Variants in OSBPL1A observed in about 807,000 individuals in gnomAD.
OSBPL1A encodes oxysterol binding protein like 1A.
In OSBPL1A, 80 loss-of-function variants were observed where a neutral mutation model predicts 137.1. That is an observed-to-expected ratio of 0.58 (90% CI 0.49 to 0.70). The LOEUF is 0.70. Among genes scored for constraint, OSBPL1A ranks in the 30% least tolerant of loss-of-function variants. OSBPL1A has a pLI of 0.00. For missense variants in OSBPL1A, 970 were observed against 1,129.4 expected, an observed-to-expected ratio of 0.86 and a Z score of 2.02; for synonymous variants, 365 against 389.7, an observed-to-expected ratio of 0.94 and a Z score of 0.75.
At chr18:24,204,563 T>C (rs1457553852) in intron 17 of OSBPL1A, among the ~76,000 whole-genome samples, 2 of 151,800 alleles carry the variant, frequency 1.3e-5, no homozygotes, top group South Asian at 2.1e-4. Flanking sequence ...TGTTTCTTTT[T>C]TTTTTTTTTT....
chr18:24,396,973 G>A (rs1350399993), intron 1 of OSBPL1A, among the ~76,000 whole-genome samples: 1 of 152,180 alleles, frequency 6.6e-6, no homozygotes, highest in East Asian at 1.9e-4. Context: ...CAACATTCAA[G>A]CAACCTTATT....
At chr18:24,280,988 G>T in intron 14 of OSBPL1A, 40 bp from the exon 15 acceptor site, 2 of 1,363,536 alleles carry the variant, frequency 1.5e-6, no homozygotes, top group Non-Finnish European at 2.0e-6. Context: ...CGGATTTTAA[G>T]GAATCTTAAG....
intron 14 of OSBPL1A, among the ~76,000 whole-genome samples, chr18:24,295,316 T>A (rs908589081): frequency 6.6e-6 from 1 of 152,224 alleles, no homozygotes; most frequent in Non-Finnish European, 1.5e-5. Flanking sequence ...CAGATACTAG[T>A]CCTTTGTTGG....
At chr18:24,240,622 G>A (rs1488120133) in intron 15 of OSBPL1A, among the ~76,000 whole-genome samples, 2 of 152,178 alleles carry the variant, frequency 1.3e-5, no homozygotes, top group African/African-American at 4.8e-5. Context: ...GAAGTCTCTT[G>A]TTCGTTAGTT....
chr18:24,389,923 C>G (rs1487690662), intron 1 of OSBPL1A, among the ~76,000 whole-genome samples: 1 of 151,952 alleles, frequency 6.6e-6, no homozygotes, highest in Non-Finnish European at 1.5e-5. Flanking sequence ...GCCTGGGTGA[C>G]AGAGTGAGAC....
intron 15 of OSBPL1A, among the ~76,000 whole-genome samples, chr18:24,254,973 C>T (rs374398892): frequency 9.2e-5 from 14 of 151,764 alleles, no homozygotes; most frequent in East Asian, 5.8e-4. Flanking sequence ...AAAGAAAAAA[C>T]GGGGGAAAAC....
intron 15 of OSBPL1A, among the ~76,000 whole-genome samples, chr18:24,260,080 T>C (rs1273385653): frequency 6.6e-6 from 1 of 151,852 alleles, no homozygotes; most frequent in African/African-American, 2.4e-5. Context: ...AAAAGATGAG[T>C]TCAACAGGTG....
chr18:24,359,325 C>T (rs1336894415), intron 4 of OSBPL1A, among the ~76,000 whole-genome samples: 1 of 152,054 alleles, frequency 6.6e-6, no homozygotes, highest in Non-Finnish European at 1.5e-5. Context: ...TGACTTCAAG[C>T]GATCCTCCTG....
intron 15 of OSBPL1A, among the ~76,000 whole-genome samples, chr18:24,257,478 T>G (rs77299611): frequency 0.078 from 11,834 of 152,060 alleles, 565 homozygotes; most frequent in African/African-American, 0.13. Context: ...AAAAATCAAA[T>G]CAAGATGGAT....
chr18:24,302,758 A>C (rs1351639710), intron 14 of OSBPL1A: 1 of 151,654 alleles, frequency 6.6e-6, no homozygotes, highest in African/African-American at 2.4e-5. Flanking sequence ...AGAACTCATA[A>C]TAGAGAATGA....
At position 24,391,709 on chromosome 18, in the gene OSBPL1A, C is replaced by CAGAGAAA. The variant is rs1568072913; in HGVS notation, c.-3+5945_-3+5946insTTTCTCT. Among the ~76,000 whole-genome samples the CAGAGAAA allele has an allele frequency of 2.6e-5, 4 of 151,846 alleles. No individual in the cohort carries two copies. In the East Asian group the frequency reaches 7.8e-4, roughly 30 times the overall value. ...ATGCCACTGCACTCCAGCTCTGGGC[C>CAGAGAAA]ACAGAATGAAACTCTTTTTTAAAAA... On this transcript the variant is annotated intron_variant, in intron 1 of 27. Transcript: ENST00000319481.
intron 17 of OSBPL1A, among the ~76,000 whole-genome samples, chr18:24,211,904 A>T (rs2087556694): frequency 8.9e-6 from 1 of 112,694 alleles, no homozygotes; most frequent in South Asian, 2.7e-4. Flanking sequence ...GCGAAACTCC[A>T]TCTCAAAAAA....
intron 16 of OSBPL1A, among the ~76,000 whole-genome samples, chr18:24,228,132 C>A (rs1000104793): frequency 1.3e-5 from 2 of 152,046 alleles, no homozygotes; most frequent in African/African-American, 4.8e-5. Context: ...CACTGAGAAC[C>A]CCTGCGTGGG....
chr18:24,166,829 T>C (rs1238188929), intron 25 of OSBPL1A, 127 bp from the exon 26 acceptor site: 4 of 956,650 alleles, frequency 4.2e-6, no homozygotes, highest in Non-Finnish European at 6.1e-6. Flanking sequence ...TGGTCAGTCT[T>C]TCTCAGATCA....
At chr18:24,325,061 G>A (rs951168940) in intron 7 of OSBPL1A, among the ~76,000 whole-genome samples, 1 of 151,958 alleles carries the variant, frequency 6.6e-6, no homozygotes, top group Non-Finnish European at 1.5e-5. Context: ...ACTCCAGCCT[G>A]GGTGACAGAG....
intron 13 of OSBPL1A, 139 bp from the exon 14 acceptor site, chr18:24,303,857 A>G: frequency 1.6e-6 from 1 of 611,726 alleles, no homozygotes; most frequent in Non-Finnish European, 2.8e-6. Flanking sequence ...GAAAAGAAAA[A>G]GGTGAGAGAA....
At chr18:24,232,791 G>A (rs902088399) in intron 16 of OSBPL1A, among the ~76,000 whole-genome samples, 3 of 150,316 alleles carry the variant, frequency 2.0e-5, no homozygotes, top group African/African-American at 4.9e-5. Context: ...ATCAGGTAAA[G>A]TGCAAGTTGC....
chr18:24,355,026 A>T (rs1410448502), intron 4 of OSBPL1A, among the ~76,000 whole-genome samples: 1 of 152,124 alleles, frequency 6.6e-6, no homozygotes, highest in African/African-American at 2.4e-5. Context: ...CTGTCAGTGA[A>T]CTCAGGTCCA....
chr18:24,285,241 A>G (rs1036207920), intron 14 of OSBPL1A, among the ~76,000 whole-genome samples: 1 of 152,224 alleles, frequency 6.6e-6, no homozygotes, highest in Non-Finnish European at 1.5e-5. Flanking sequence ...CTTTGCCAAA[A>G]TAAAACCTCT....
Sources: gnomAD v4.1 joint callset for allele counts (sites outside exome capture counted in the v4.1 genomes callset) on GRCh38, gnomAD v4.1.1 for gene constraint, MANE v1.5 for transcripts, NCBI Gene and HGNC (gene_info 2026-07-23, HGNC 2026-07-21) for gene names.